The following MBOAT2 variants were observed in gnomAD, a reference collection of about 807,000 sequenced individuals.
MBOAT2 encodes the protein membrane bound glycerophospholipid O-acyltransferase 2.
Under a neutral mutation model 63.4 loss-of-function variants are expected in MBOAT2, and 28 were observed. The ratio of observed to expected loss-of-function variants is 0.44; its 90% CI spans 0.33 to 0.61. MBOAT2 has a LOEUF of 0.61. Ranked by LOEUF, MBOAT2 falls within the 20% of genes least tolerant of loss-of-function variation. The pLI is 0.03. For synonymous variants in MBOAT2, 211 were observed against 215.6 expected, an observed-to-expected ratio of 0.98 and a Z score of 0.19; for missense variants, 470 against 605.8, an observed-to-expected ratio of 0.78 and a Z score of 2.35.
At chr2:8,972,738 C>T (rs1670537617) in intron 1 of MBOAT2, among the ~76,000 whole-genome samples, 1 of 152,200 alleles carries the variant, frequency 6.6e-6, no homozygotes, top group African/African-American at 2.4e-5. Flanking sequence ...CAAAAGAAGA[C>T]ATTTATGCAG....
rs562058856 is a variant in MBOAT2, at chr2:8,948,753, C to T, written c.222-5489G>A. ...CATCCAGTCCAGCACTGATGAGCAT[C>T]TAGGTTGATTCCATGTCTTTGCTAT... On this transcript the variant is annotated intron_variant, in intron 2 of 12. Transcript: ENST00000305997. Among the ~76,000 whole-genome samples, 7 of 152,268 alleles carry T rather than the reference C, an allele frequency of 4.6e-5. No homozygotes were observed. The East Asian group carries it at 1.3e-3, about 29-fold the overall frequency.
chr2:8,923,886 C>T (rs1666755673), intron 3 of MBOAT2, among the ~76,000 whole-genome samples: 1 of 152,160 alleles, frequency 6.6e-6, no homozygotes, highest in Admixed American at 6.5e-5. Context: ...TCACTGACCC[C>T]TTCACTATTC....
intron 1 of MBOAT2, among the ~76,000 whole-genome samples, chr2:8,964,215 C>T (rs1669830094): frequency 2.0e-5 from 3 of 152,216 alleles, no homozygotes; most frequent in African/African-American, 7.2e-5. Context: ...CTGCAGTATT[C>T]TCGTGCATAT....
At chr2:8,895,975 T>C (rs1013978214) in intron 4 of MBOAT2, among the ~76,000 whole-genome samples, 5 of 152,128 alleles carry the variant, frequency 3.3e-5, no homozygotes, top group Admixed American at 6.6e-5. Flanking sequence ...CGGTGGCTCA[T>C]GCCTGTAATC....
intron 9 of MBOAT2, among the ~76,000 whole-genome samples, chr2:8,864,814 G>A (rs1661748022): frequency 6.6e-6 from 1 of 152,034 alleles, no homozygotes; most frequent in Non-Finnish European, 1.5e-5. Flanking sequence ...GATCTCAGAG[G>A]GGGCCTTTCA....
intron 11 of MBOAT2, among the ~76,000 whole-genome samples, chr2:8,861,772 C>A (rs1661516487): frequency 6.6e-6 from 1 of 152,178 alleles, no homozygotes. Context: ...GTATTTATAA[C>A]ACCCACAGAA....
chr2:8,925,341 T>C (rs544519639), intron 3 of MBOAT2, among the ~76,000 whole-genome samples: 1 of 152,200 alleles, frequency 6.6e-6, no homozygotes, highest in Admixed American at 6.5e-5. Context: ...AGGTGGAAAG[T>C]AGGAAAAGAA....
At position 8,912,373 on chromosome 2, in the gene MBOAT2, G is replaced by A. The variant is rs201152768; in HGVS notation, c.300-3657C>T. Among the ~76,000 whole-genome samples, 363 of 84,190 alleles carry A rather than the reference G, an allele frequency of 4.3e-3. 2 individuals carry two copies. The highest frequency in any genetic ancestry group is 9.2e-3 in the African/African-American group (194 of 21,098). The allele number at this position is 84,190 out of a possible 152,430, so 55.2% of individuals were successfully genotyped here. A position where few individuals can be genotyped will look rare whatever the true frequency, so the allele number is the denominator to read the frequency against. On this transcript the variant is annotated intron_variant, in intron 3 of 12. Transcript: ENST00000305997. ...AAAGAGAAAGAAAGAAAGAAAGAAA[G>A]AGAAAGAAAGAAAGAAAGAAAGAAA...
rs559677181 is a variant in MBOAT2, at chr2:8,932,395, T to A, written c.299+10792A>T. On this transcript the variant is annotated intron_variant, in intron 3 of 12. Transcript: ENST00000305997. ...ATTTTTAAAGACTCCCAATACTACA[T>A]CCTGATGAAGAAGACAGAGAAGAAG... is the stretch of plus-strand genomic sequence containing the variant. 3.9e-5 allele frequency among the ~76,000 whole-genome samples: 6 copies of A among 152,218 alleles called. No individual in the cohort carries two copies. The South Asian group carries it at 1.2e-3, about 32-fold the overall frequency.
At chr2:8,967,469 C>A (rs866841036) in intron 1 of MBOAT2, among the ~76,000 whole-genome samples, 8 of 152,300 alleles carry the variant, frequency 5.3e-5, no homozygotes, top group Non-Finnish European at 7.3e-5. Context: ...GCAAAACATT[C>A]TTGGATGGGA....
rs1485278468 is a variant in MBOAT2 at position 8,853,045 on chromosome 2, G to GTC, written c.*5632_*5633dup. The GTC allele has an allele frequency of 6.6e-6, 1 of 152,220 alleles. No homozygotes were observed. The highest frequency in any genetic ancestry group is 1.5e-5 in the Non-Finnish European group (1 of 68,042). The allele number at this position is 152,220 out of a possible 1,614,324, so 9.4% of individuals were successfully genotyped here. A position where few individuals can be genotyped will look rare whatever the true frequency, so the allele number is the denominator to read the frequency against. On this transcript the variant is annotated 3_prime_UTR_variant, in exon 13 of 13. Transcript: ENST00000305997. ...ACTAAATTCTGGCTGCTGGAGTTGG[G>GTC]TCTCTCCTCATGTTTGGGCGACTGA...
chr2:8,884,643 T>C (rs550828681), intron 5 of MBOAT2, among the ~76,000 whole-genome samples: 1 of 152,374 alleles, frequency 6.6e-6, no homozygotes, highest in South Asian at 2.1e-4. Context: ...TATGTCATTA[T>C]ATTTAGTCAG....
In MBOAT2 at chr2:8,916,025, T is replaced by C. The variant is rs543456843; in HGVS notation, c.300-7309A>G. ...TGGTTGATGAAGCATGACACAGAGC[T>C]TTTGGAAAGGCCTTTCTTACTCTTA... is the stretch of plus-strand genomic sequence containing the variant. On this transcript the variant is annotated intron_variant, in intron 3 of 12. Transcript: ENST00000305997. Among the ~76,000 whole-genome samples, 200 of 152,304 alleles carry C rather than the reference T, an allele frequency of 1.3e-3. 1 individual carries two copies. The highest frequency in any genetic ancestry group is 4.5e-3 in the African/African-American group (186 of 41,562).
At chr2:8,974,288 G>A (rs1573218426) in intron 1 of MBOAT2, 2 of 443,808 alleles carry the variant, frequency 4.5e-6, no homozygotes, top group East Asian at 1.4e-4. Context: ...TCTGTTCAAT[G>A]AGAAATATGG....
intron 7 of MBOAT2, among the ~76,000 whole-genome samples, chr2:8,875,580 A>G (rs911455247): frequency 1.3e-5 from 2 of 152,232 alleles, no homozygotes; most frequent in African/African-American, 2.4e-5. Context: ...GGACTCATAC[A>G]CATTAAGTGA....
At position 8,860,782 on chromosome 2, in the gene MBOAT2, A is replaced by G; in HGVS notation, c.1186-18T>C. On this transcript the variant is annotated intron_variant, in intron 11 of 12. Transcript: ENST00000305997. ...TTTCTCATCTGAAATAAAGAAACAAAAACATTTGCTGTATCTTTAAATTAA... is the reference window on the plus strand; with the variant it reads ...TTTCTCATCTGAAATAAAGAAACAAGAACATTTGCTGTATCTTTAAATTAA... 1 of 1,538,984 alleles carries G rather than the reference A, an allele frequency of 6.5e-7. No individual in the cohort carries two copies.
At chr2:8,991,858 T>A (rs1228972702) in intron 1 of MBOAT2, among the ~76,000 whole-genome samples, 1 of 152,206 alleles carries the variant, frequency 6.6e-6, no homozygotes, top group South Asian at 2.1e-4. Context: ...CATTCCTTTA[T>A]GGTCATCATT....
At chr2:8,878,489 A>G (rs1266425212) in intron 6 of MBOAT2, among the ~76,000 whole-genome samples, 1 of 152,182 alleles carries the variant, frequency 6.6e-6, no homozygotes, top group Non-Finnish European at 1.5e-5. Flanking sequence ...ACTCTTGTGG[A>G]CAAGAGAGGT....
chr2:8,943,109 TAATA>T (rs1020420463), intron 3 of MBOAT2, 74 bp downstream of exon 3: 34 of 746,674 alleles, frequency 4.6e-5, no homozygotes, highest in African/African-American at 1.8e-4. Flanking sequence ...ACTTTTAATG[TAATA>T]AATAAAATTC....
Sources: gnomAD v4.1 joint callset for allele counts (sites outside exome capture counted in the v4.1 genomes callset) on GRCh38, gnomAD v4.1.1 for gene constraint, MANE v1.5 for transcripts, NCBI Gene and HGNC (gene_info 2026-07-23, HGNC 2026-07-21) for gene names.